The following UNC13C variants were observed in gnomAD, a reference collection of about 807,000 sequenced individuals.
The protein encoded by UNC13C is unc-13 homolog C, also known as protein unc-13 homolog C.
In UNC13C, 174 loss-of-function variants were observed where a neutral mutation model predicts 245.4. The observed-to-expected ratio is 0.71, with a 90% CI of 0.63 to 0.80. The LOEUF (loss-of-function observed/expected upper bound fraction) is 0.80. UNC13C is among the 30% of genes least tolerant of loss of function. The pLI, the probability that UNC13C is intolerant of heterozygous loss-of-function variation, is 0.00. For missense variants in UNC13C, 2,829 were observed against 2,602.9 expected (o/e 1.09, Z -1.89); for synonymous variants, 992 against 895.1 (o/e 1.11, Z -1.93).
At chr15:54,050,077 C>T in intron 2 of UNC13C, 1 of 324,014 alleles carries the variant, frequency 3.1e-6, no homozygotes, top group Admixed American at 4.0e-5. Flanking sequence ...TCAAGCAATT[C>T]TCCTGCCTCA....
chr15:54,422,986 G>A (rs1436898838), intron 19 of UNC13C, among the ~76,000 whole-genome samples: 6,916 of 136,386 alleles, frequency 0.051, 199 homozygotes, highest in African/African-American at 0.087. Flanking sequence ...CACACACAAC[G>A]AAAAAAAAAC....
intron 2 of UNC13C, among the ~76,000 whole-genome samples, chr15:54,068,125 T>A (rs1175436619): frequency 2.6e-5 from 4 of 152,170 alleles, no homozygotes; most frequent in African/African-American, 9.7e-5. Flanking sequence ...GCTCCTGTAG[T>A]CAGTGTTAAG....
chr15:53,927,069 A>C, the UNC13C span, among the ~76,000 whole-genome samples: 2 of 152,222 alleles, frequency 1.3e-5, no homozygotes, highest in African/African-American at 4.8e-5. Flanking sequence ...GCACTGTTCT[A>C]AGAGCTTTAT....
chr15:54,526,478 T>C (rs1895465538), intron 25 of UNC13C, among the ~76,000 whole-genome samples: 1 of 152,114 alleles, frequency 6.6e-6, no homozygotes, highest in South Asian at 2.1e-4. Context: ...ATGCCTGTAA[T>C]CCCAGCACTT....
Position 54,255,109 on chromosome 15 carries a change from T to C in UNC13C, c.3448+4665T>C, listed in dbSNP as rs983226338. On this transcript the variant is annotated intron_variant, in intron 8 of 32. Coordinates refer to ENST00000260323, the MANE Select transcript of UNC13C (RefSeq NM_001080534.3). ...CCCCACGGCAGTGTCTAGAGGTGAA[T>C]GTTTATAGCTGAAGCCCCAGTAGGC... Among the ~76,000 whole-genome samples, 3 of 152,202 alleles carry C rather than the reference T, an allele frequency of 2.0e-5. No homozygotes were observed. In the South Asian group the frequency reaches 6.2e-4, roughly 32 times the overall value.
At chr15:53,924,667 G>A in the UNC13C span, among the ~76,000 whole-genome samples, 2 of 152,140 alleles carry the variant, frequency 1.3e-5, no homozygotes, top group South Asian at 2.1e-4. Flanking sequence ...GACTTGATAT[G>A]CCATACAAAC....
intron 2 of UNC13C, among the ~76,000 whole-genome samples, chr15:54,060,431 C>G (rs575820337): frequency 3.9e-5 from 6 of 152,274 alleles, no homozygotes; most frequent in Non-Finnish European, 8.8e-5. Context: ...CCATCTCACA[C>G]CAGTTAGAAT....
upstream of UNC13C, among the ~76,000 whole-genome samples, chr15:53,976,176 C>G (rs1291272121): frequency 6.6e-6 from 1 of 152,136 alleles, no homozygotes; most frequent in African/African-American, 2.4e-5. Flanking sequence ...TTATTAGCAG[C>G]CAGAGTCCCT....
intron 30 of UNC13C, among the ~76,000 whole-genome samples, chr15:54,620,748 T>C (rs1206725881): frequency 6.8e-6 from 1 of 147,656 alleles, no homozygotes; most frequent in Non-Finnish European, 1.5e-5. Context: ...ATTGCACCAC[T>C]GCACTCCAGC....
chr15:54,156,579 G>A (rs147472575), intron 4 of UNC13C, among the ~76,000 whole-genome samples: 116 of 152,140 alleles, frequency 7.6e-4, no homozygotes, highest in African/African-American at 2.6e-3. Flanking sequence ...ATCAAGTGTG[G>A]GAGGCACAAA....
At chr15:53,856,761 T>C in the UNC13C span, among the ~76,000 whole-genome samples, 2 of 152,260 alleles carry the variant, frequency 1.3e-5, no homozygotes, top group South Asian at 4.1e-4. Flanking sequence ...TATTCTGTTT[T>C]TGGGTGGAGA....
chr15:54,180,756 A>AT (rs149099422), intron 4 of UNC13C, among the ~76,000 whole-genome samples: 16,116 of 151,074 alleles, frequency 0.11, 1,446 homozygotes, highest in African/African-American at 0.24. Context: ...GTGATGATGA[A>AT]TTTTTTTTCA....
intron 13 of UNC13C, among the ~76,000 whole-genome samples, chr15:54,320,109 G>A (rs533918653): frequency 2.0e-5 from 3 of 152,044 alleles, no homozygotes; most frequent in Admixed American, 6.6e-5. Flanking sequence ...ATACAAACTG[G>A]ACTCAAGTCA....
intron 2 of UNC13C, among the ~76,000 whole-genome samples, chr15:54,136,394 A>C (rs1390241466): frequency 6.6e-6 from 1 of 152,080 alleles, no homozygotes; most frequent in Non-Finnish European, 1.5e-5. Flanking sequence ...ATTAGTGTAT[A>C]GTTTTTTTAT....
At chr15:54,181,847 T>A (rs1042297487) in intron 4 of UNC13C, among the ~76,000 whole-genome samples, 2 of 151,934 alleles carry the variant, frequency 1.3e-5, no homozygotes, top group Non-Finnish European at 2.9e-5. Flanking sequence ...TGTTTTAGTG[T>A]TGTATAGAAA....
chr15:54,398,773 A>AT (rs570798780), intron 18 of UNC13C, among the ~76,000 whole-genome samples: 12 of 151,222 alleles, frequency 7.9e-5, no homozygotes, highest in African/African-American at 2.9e-4. Flanking sequence ...GTCTGTTATT[A>AT]TTTTTTTATG....
chr15:54,486,306 G>T (rs1476050341), intron 19 of UNC13C, among the ~76,000 whole-genome samples: 1 of 143,306 alleles, frequency 7.0e-6, no homozygotes, highest in Non-Finnish European at 1.6e-5. Flanking sequence ...GTGTGGTGGC[G>T]GGCGCTTGTA....
At chr15:53,908,745 C>T in the UNC13C span, among the ~76,000 whole-genome samples, 1 of 56,582 alleles carries the variant, frequency 1.8e-5, no homozygotes, top group Non-Finnish European at 3.1e-5. Context: ...GAATGAGAAC[C>T]TTTCTCCAAA....
intron 15 of UNC13C, 138 bp downstream of exon 15, chr15:54,332,249 C>T: frequency 3.3e-6 from 2 of 607,526 alleles, no homozygotes; most frequent in East Asian, 5.8e-5. Context: ...AGAAATAATC[C>T]AGCAGGTCTC....
Sources: allele counts gnomAD v4.1 joint callset (sites outside exome capture counted in the v4.1 genomes callset), GRCh38; gene constraint gnomAD v4.1.1; transcripts MANE v1.5; gene names NCBI Gene and HGNC (gene_info 2026-07-23, HGNC 2026-07-21).